DCDC1: variants seen among roughly 807,000 people sequenced by gnomAD.
DCDC1 encodes doublecortin domain-containing protein 1.
A neutral mutation model predicts 178.3 loss-of-function variants in DCDC1; 200 were observed. That is an observed-to-expected ratio of 1.12 (90% CI 1.00 to 1.26). The LOEUF is 1.26. Among genes scored for constraint, DCDC1 ranks in the 50% most tolerant of loss-of-function variants. The pLI, the probability that DCDC1 is intolerant of heterozygous loss-of-function variation, is 0.00. For missense variants in DCDC1, 1,983 were observed against 1,749.2 expected (o/e 1.13, Z -2.38); for synonymous variants, 690 against 604.8 (o/e 1.14, Z -2.07).
chr11:30,993,449 C>A (rs1951092934), intron 20 of DCDC1, among the ~76,000 whole-genome samples: 1 of 151,582 alleles, frequency 6.6e-6, no homozygotes, highest in South Asian at 2.1e-4. Flanking sequence ...AAGCATCAAG[C>A]AAGCAAAAAG....
At chr11:30,969,085 T>G (rs2134661805) in intron 20 of DCDC1, among the ~76,000 whole-genome samples, 1 of 151,748 alleles carries the variant, frequency 6.6e-6, no homozygotes, top group Non-Finnish European at 1.5e-5. Context: ...CTGCAAGATT[T>G]ACAAAACAAA....
At chr11:31,038,226 T>C (rs1307044896) in intron 20 of DCDC1, among the ~76,000 whole-genome samples, 1 of 151,702 alleles carries the variant, frequency 6.6e-6, no homozygotes, top group Non-Finnish European at 1.5e-5. Context: ...TATATATATA[T>C]ATACACACAC....
chr11:31,153,637 G>C (rs12364031), intron 9 of DCDC1, among the ~76,000 whole-genome samples: 1 of 152,088 alleles, frequency 6.6e-6, no homozygotes, highest in South Asian at 2.1e-4. Flanking sequence ...ACAAAAATCA[G>C]CCGGGCATGG....
chr11:31,253,135 A>G (rs1944167881), intron 8 of DCDC1, among the ~76,000 whole-genome samples: 1 of 152,206 alleles, frequency 6.6e-6, no homozygotes, highest in Non-Finnish European at 1.5e-5. Flanking sequence ...AGAACTACCA[A>G]CAAAAAGCAG....
At chr11:31,125,349 A>G (rs1961450609) in intron 11 of DCDC1, among the ~76,000 whole-genome samples, 1 of 152,204 alleles carries the variant, frequency 6.6e-6, no homozygotes, top group Non-Finnish European at 1.5e-5. Context: ...TAGTTCAACT[A>G]TTGTGGAAGA....
chr11:31,300,591 T>C (rs760618237), intron 6 of DCDC1, among the ~76,000 whole-genome samples: 21 of 152,048 alleles, frequency 1.4e-4, no homozygotes, highest in Non-Finnish European at 2.8e-4. Flanking sequence ...CTAGTGTCCT[T>C]TAAAATAAAC....
chr11:30,933,377 G>A (rs1947064799), intron 21 of DCDC1, among the ~76,000 whole-genome samples: 1 of 151,916 alleles, frequency 6.6e-6, no homozygotes, highest in African/African-American at 2.4e-5. Flanking sequence ...TTGAATTTGT[G>A]TTAAATCATA....
At chr11:30,896,957 T>C (rs1844685256) in intron 34 of DCDC1, among the ~76,000 whole-genome samples, 1 of 152,230 alleles carries the variant, frequency 6.6e-6, no homozygotes, top group South Asian at 2.1e-4. Context: ...TAATATAGAA[T>C]AGCTGATTTA....
In DCDC1 at chr11:30,900,405, A is replaced by C. The variant is rs751300083; in HGVS notation, c.4604T>G (p.Ile1535Ser). The C allele has an allele frequency of 1.9e-6, 3 of 1,582,282 alleles. No homozygotes were observed. In the African/African-American group the frequency reaches 4.0e-5, roughly 21 times the overall value. The change falls in exon 33 of 39, where the codon ATC (isoleucine) becomes AGC (serine). Residue 1535 changes from isoleucine (I) to serine (S), a missense_variant. Physicochemically the swap from Ile to Ser is moderately radical, Grantham distance 142. Transcript: ENST00000684477. ...DGIDKSLLTL[I>S]LRNPIAIWVS... ...CCAGATGGCAATAGGATTTCTGAGG[A>C]TGAGGGTAAGCAAAGACTTGTCTAT...
Position 30,984,088 on chromosome 11 carries a change from A to C in DCDC1, c.2592-31520T>G, listed in dbSNP as rs561435811. ...ATCTTAAAAGCTGTCCTGGGGAGCA[A>C]AATTACTGTGCATCATACAGGTGAA... On this transcript the variant is annotated intron_variant, in intron 20 of 38. Coordinates refer to ENST00000684477, the MANE Select transcript of DCDC1 (RefSeq NM_001387274.1). 3.3e-5 allele frequency among the ~76,000 whole-genome samples: 5 copies of C among 152,324 alleles called. No homozygotes were observed. The South Asian group carries it at 1.0e-3, about 32-fold the overall frequency.
chr11:31,158,966 C>A (rs777731818), intron 9 of DCDC1, among the ~76,000 whole-genome samples: 1 of 151,238 alleles, frequency 6.6e-6, no homozygotes, highest in Non-Finnish European at 1.5e-5. Flanking sequence ...TAAAAATATA[C>A]CAACAAAAAA....
At chr11:31,296,042 A>G (rs760094079) in intron 6 of DCDC1, among the ~76,000 whole-genome samples, 21 of 152,072 alleles carry the variant, frequency 1.4e-4, no homozygotes, top group Non-Finnish European at 2.5e-4. Context: ...CTAAAGAGAA[A>G]ACTCTTGGAA....
intron 8 of DCDC1, among the ~76,000 whole-genome samples, chr11:31,250,100 A>T (rs977716311): frequency 6.6e-6 from 1 of 151,866 alleles, no homozygotes; most frequent in Non-Finnish European, 1.5e-5. Flanking sequence ...GCTACCATCT[A>T]TTGTCTTTAA....
At chr11:31,261,830 T>C (rs7116699) in intron 8 of DCDC1, among the ~76,000 whole-genome samples, 89,857 of 151,990 alleles carry the variant, frequency 0.59, 26,984 homozygotes, top group East Asian at 0.93. Flanking sequence ...AAGGATAGAT[T>C]TATACAAGAA....
At chr11:31,036,901 A>G (rs1172980489) in intron 20 of DCDC1, among the ~76,000 whole-genome samples, 1 of 152,236 alleles carries the variant, frequency 6.6e-6, no homozygotes, top group African/African-American at 2.4e-5. Flanking sequence ...ATTACATGAT[A>G]AACTAACCTA....
intron 20 of DCDC1, among the ~76,000 whole-genome samples, chr11:31,057,494 G>T (rs1285624263): frequency 6.6e-6 from 1 of 152,014 alleles, no homozygotes; most frequent in East Asian, 1.9e-4. Context: ...CAATGGAAAT[G>T]ATAATGAAAA....
intron 15 of DCDC1, among the ~76,000 whole-genome samples, chr11:31,099,077 T>C (rs1189674730): frequency 6.6e-6 from 1 of 152,246 alleles, no homozygotes; most frequent in African/African-American, 2.4e-5. Flanking sequence ...CTTGTTATAG[T>C]TAACCCACTT....
At chr11:31,169,662 C>A (rs1470681700) in intron 9 of DCDC1, among the ~76,000 whole-genome samples, 1 of 152,086 alleles carries the variant, frequency 6.6e-6, no homozygotes, top group East Asian at 1.9e-4. Flanking sequence ...TTATTATTTG[C>A]AAGACACTGT....
chr11:31,285,387 C>T (rs1475909682), intron 7 of DCDC1, among the ~76,000 whole-genome samples: 2 of 151,974 alleles, frequency 1.3e-5, no homozygotes, highest in Non-Finnish European at 1.5e-5. Context: ...TATGCATGAC[C>T]TCCTCTGTCG....
Sources: gnomAD v4.1 joint callset for allele counts (sites outside exome capture counted in the v4.1 genomes callset) on GRCh38, gnomAD v4.1.1 for gene constraint, MANE v1.5 for transcripts, NCBI Gene and HGNC (gene_info 2026-07-23, HGNC 2026-07-21) for gene names.